NAALADL2: variants seen among roughly 807,000 people sequenced by gnomAD.
NAALADL2 encodes inactive N-acetylated-alpha-linked acidic dipeptidase-like protein 2.
Under a neutral mutation model 87.2 loss-of-function variants are expected in NAALADL2, and 76 were observed. The ratio of observed to expected loss-of-function variants is 0.87; its 90% CI spans 0.72 to 1.05. The LOEUF (loss-of-function observed/expected upper bound fraction) is 1.05. NAALADL2 is among the 50% of genes least tolerant of loss of function. The probability of loss-of-function intolerance (pLI) is 0.00; values close to 1 mark genes in which losing one functional copy is unlikely to be tolerated. For synonymous variants in NAALADL2, 354 were observed against 331.0 expected (o/e 1.07, Z -0.75); for missense variants, 1,089 against 945.8 (o/e 1.15, Z -1.99).
intron 1 of NAALADL2, among the ~76,000 whole-genome samples, chr3:174,936,352 TAATC>T (rs1737684195): frequency 1.3e-5 from 2 of 152,208 alleles, no homozygotes; most frequent in South Asian, 2.1e-4. Context: ...ATAATAATAA[TAATC>T]TGTTTAGATC....
Position 175,035,159 on chromosome 3 carries a change from A to G in NAALADL2, c.44-61631A>G, listed in dbSNP as rs557804514. Among the ~76,000 whole-genome samples the G allele has an allele frequency of 5.3e-5, 8 of 152,294 alleles. No homozygotes were observed. The South Asian group carries it at 1.5e-3, about 28-fold the overall frequency. On this transcript the variant is annotated intron_variant, in intron 1 of 13. Transcript: ENST00000454872. ...TGGATCTGTGGGGATCTACTTGAAC[A>G]GGTACATTCTGCATGACCTATGCCT...
intron 5 of NAALADL2, among the ~76,000 whole-genome samples, chr3:175,350,245 A>G (rs144406757): frequency 0.012 from 1,816 of 152,292 alleles, 8 homozygotes; most frequent in Admixed American, 0.017. Context: ...AGATAAAGCA[A>G]TAAAGGCAGT....
intron 1 of NAALADL2, among the ~76,000 whole-genome samples, chr3:174,918,186 CATCTAATAATTTTAT>C (rs1238590562): frequency 6.6e-6 from 1 of 151,554 alleles, no homozygotes; most frequent in Non-Finnish European, 1.5e-5. Flanking sequence ...CTTGTAATTG[CATCTAATAATTTTAT>C]AAGTTGAGTT....
intron 2 of NAALADL2, among the ~76,000 whole-genome samples, chr3:174,606,335 G>A (rs1170409170): frequency 6.6e-6 from 1 of 152,236 alleles, no homozygotes; most frequent in Non-Finnish European, 1.5e-5. Context: ...ACTTTGACGA[G>A]TTGAGAGAAG....
chr3:175,139,426 A>G (rs1289019826), intron 2 of NAALADL2, among the ~76,000 whole-genome samples: 1 of 152,104 alleles, frequency 6.6e-6, no homozygotes, highest in Non-Finnish European at 1.5e-5. Context: ...TTAGAATTGC[A>G]AAAGTCATTA....
At chr3:174,447,462 T>A (rs1715139414) in intron 1 of NAALADL2, among the ~76,000 whole-genome samples, 1 of 152,156 alleles carries the variant, frequency 6.6e-6, no homozygotes, top group African/African-American at 2.4e-5. Flanking sequence ...AACGGGTAAG[T>A]TAAATATTCA....
At chr3:175,794,354 TA>T (rs953794831) in intron 13 of NAALADL2, among the ~76,000 whole-genome samples, 21 of 146,502 alleles carry the variant, frequency 1.4e-4, no homozygotes, top group Admixed American at 2.0e-4. Flanking sequence ...GAAATATAAA[TA>T]AAAACAAGAA....
At chr3:175,692,008 C>T (rs1737113808) in intron 11 of NAALADL2, among the ~76,000 whole-genome samples, 1 of 152,054 alleles carries the variant, frequency 6.6e-6, no homozygotes, top group Admixed American at 6.6e-5. Context: ...CATCACTCTT[C>T]CTGGCTCTCT....
chr3:175,208,960 G>A (rs1741368399), intron 2 of NAALADL2, among the ~76,000 whole-genome samples: 1 of 152,074 alleles, frequency 6.6e-6, no homozygotes, highest in Non-Finnish European at 1.5e-5. Flanking sequence ...GCTTTATTTT[G>A]TTTTTAAATC....
chr3:174,791,818 T>C (rs1054784780), intron 3 of NAALADL2, among the ~76,000 whole-genome samples: 4 of 152,156 alleles, frequency 2.6e-5, no homozygotes, highest in African/African-American at 9.7e-5. Flanking sequence ...GTAAGCTCCA[T>C]AGAGGACAAA....
intron 5 of NAALADL2, among the ~76,000 whole-genome samples, chr3:175,367,292 A>C (rs1179193977): frequency 6.6e-6 from 1 of 151,416 alleles, no homozygotes; most frequent in Admixed American, 6.6e-5. Context: ...GTCAGGTAGC[A>C]TGATGCCTCC....
At chr3:174,984,773 A>T (rs1449267832) in intron 1 of NAALADL2, among the ~76,000 whole-genome samples, 1 of 152,184 alleles carries the variant, frequency 6.6e-6, no homozygotes, top group Non-Finnish European at 1.5e-5. Flanking sequence ...GAAGGCACAT[A>T]CAATTGAAGG....
chr3:174,632,268 A>G (rs1017457397), intron 2 of NAALADL2, among the ~76,000 whole-genome samples: 2 of 152,190 alleles, frequency 1.3e-5, no homozygotes, highest in South Asian at 4.1e-4. Context: ...ATAAACCAAC[A>G]TTTTTGGGTA....
intron 1 of NAALADL2, among the ~76,000 whole-genome samples, chr3:175,000,099 T>A (rs2108757309): frequency 6.6e-6 from 1 of 152,328 alleles, no homozygotes; most frequent in Non-Finnish European, 1.5e-5. Context: ...AAACTTCAGC[T>A]AGTAGCTCAG....
At chr3:175,422,420 C>G (rs1315801818) in intron 5 of NAALADL2, among the ~76,000 whole-genome samples, 1 of 152,050 alleles carries the variant, frequency 6.6e-6, no homozygotes, top group Non-Finnish European at 1.5e-5. Flanking sequence ...GATTAAACTA[C>G]TACAGTGTCT....
At chr3:175,380,089 A>G (rs1767614925) in intron 5 of NAALADL2, among the ~76,000 whole-genome samples, 1 of 152,066 alleles carries the variant, frequency 6.6e-6, no homozygotes, top group African/African-American at 2.4e-5. Context: ...TAGGAGATAT[A>G]CCTAATGCTA....
At chr3:174,970,979 CAGGT>C (rs1743550307) in intron 1 of NAALADL2, among the ~76,000 whole-genome samples, 2 of 152,142 alleles carry the variant, frequency 1.3e-5, no homozygotes, top group African/African-American at 4.8e-5. Context: ...ATTGGACTTA[CAGGT>C]CCACATGGCT....
intron 4 of NAALADL2, 60 bp from the exon 5 acceptor site, chr3:175,324,115 C>A (rs534952309): frequency 2.2e-6 from 3 of 1,372,076 alleles, no homozygotes; most frequent in South Asian, 2.7e-5. Flanking sequence ...GGCAAAATGG[C>A]ACTATATGAA....
intron 1 of NAALADL2, chr3:175,060,090 C>A (rs962891479): frequency 7.3e-6 from 2 of 273,682 alleles, no homozygotes; most frequent in South Asian, 4.7e-5. Context: ...ATTGTGGGCA[C>A]CCCTGCTAAG....
Sources: allele counts gnomAD v4.1 joint callset (sites outside exome capture counted in the v4.1 genomes callset), GRCh38; gene constraint gnomAD v4.1.1; transcripts MANE v1.5; gene names NCBI Gene and HGNC (gene_info 2026-07-23, HGNC 2026-07-21).